Variants in PRKN observed in about 807,000 individuals in gnomAD.
PRKN encodes E3 ubiquitin-protein ligase parkin.
PRKN carries 56 observed loss-of-function variants against 59.5 expected under a neutral mutation model. That is an observed-to-expected ratio of 0.94 (90% CI 0.76 to 1.18). The LOEUF is 1.18. Among genes scored for constraint, PRKN ranks in the 50% most tolerant of loss-of-function variants. PRKN has a pLI of 0.00. For missense variants in PRKN, 657 were observed against 596.4 expected, an observed-to-expected ratio of 1.10 and a Z score of -1.06; for synonymous variants, 250 against 222.1, an observed-to-expected ratio of 1.13 and a Z score of -1.12.
chr6:162,032,013 C>T (rs1025494629), intron 5 of PRKN, among the ~76,000 whole-genome samples: 2 of 152,186 alleles, frequency 1.3e-5, no homozygotes, highest in African/African-American at 4.8e-5. Flanking sequence ...TTTACACCCT[C>T]TGGTTGCCTT....
intron 9 of PRKN, among the ~76,000 whole-genome samples, chr6:161,426,061 AG>A (rs1289780638): frequency 6.6e-6 from 1 of 152,184 alleles, no homozygotes; most frequent in Non-Finnish European, 1.5e-5. Flanking sequence ...CAAGTGGTTA[AG>A]GGGGTGCCTG....
chr6:162,213,536 G>T (rs1030378595), intron 3 of PRKN, among the ~76,000 whole-genome samples: 10 of 151,942 alleles, frequency 6.6e-5, no homozygotes, highest in Non-Finnish European at 1.2e-4. Flanking sequence ...GATCAGCCTG[G>T]GCAGCACAGT....
intron 1 of PRKN, among the ~76,000 whole-genome samples, chr6:162,545,600 C>T (rs1044751030): frequency 3.9e-5 from 6 of 152,122 alleles, no homozygotes; most frequent in Admixed American, 6.5e-5. Flanking sequence ...ATGAGGAAAA[C>T]ATTTCAAGTT....
At chr6:161,907,551 C>T (rs1469173372) in intron 6 of PRKN, among the ~76,000 whole-genome samples, 1 of 152,140 alleles carries the variant, frequency 6.6e-6, no homozygotes, top group African/African-American at 2.4e-5. Flanking sequence ...AAGTTTTCAT[C>T]TTTCCCCTAC....
chr6:161,679,063 T>C (rs966430485), intron 7 of PRKN, among the ~76,000 whole-genome samples: 2 of 152,120 alleles, frequency 1.3e-5, no homozygotes, highest in African/African-American at 4.8e-5. Flanking sequence ...AAATAGATTA[T>C]GCCAACCAGC....
intron 2 of PRKN, among the ~76,000 whole-genome samples, chr6:162,356,150 G>A (rs1784847486): frequency 1.3e-5 from 2 of 152,126 alleles, no homozygotes; most frequent in Non-Finnish European, 1.5e-5. Flanking sequence ...GTAGATTTCT[G>A]TAATTAAATA....
At chr6:161,676,565 A>T (rs1785093996) in intron 7 of PRKN, among the ~76,000 whole-genome samples, 1 of 152,226 alleles carries the variant, frequency 6.6e-6, no homozygotes, top group Non-Finnish European at 1.5e-5. Context: ...AGCCTCACTC[A>T]TTCGTTCATG....
At chr6:161,631,564 G>A (rs1376452947) in intron 7 of PRKN, among the ~76,000 whole-genome samples, 2 of 152,158 alleles carry the variant, frequency 1.3e-5, no homozygotes, top group African/African-American at 4.8e-5. Flanking sequence ...ATGGCATAAG[G>A]CATCTTATTT....
At chr6:161,431,083 G>A (rs886124753) in intron 9 of PRKN, among the ~76,000 whole-genome samples, 6 of 150,494 alleles carry the variant, frequency 4.0e-5, no homozygotes, top group African/African-American at 1.5e-4. Context: ...AGGTTGAAAC[G>A]AGTCGAGATC....
At chr6:162,394,673 C>T (rs1173299989) in intron 2 of PRKN, among the ~76,000 whole-genome samples, 1 of 152,160 alleles carries the variant, frequency 6.6e-6, no homozygotes, top group Non-Finnish European at 1.5e-5. Flanking sequence ...AGGCTTATCT[C>T]ATGAAGTCCC....
chr6:162,714,522 T>C (rs1433969982), intron 1 of PRKN, among the ~76,000 whole-genome samples: 2 of 152,204 alleles, frequency 1.3e-5, no homozygotes, highest in East Asian at 3.8e-4. Context: ...GCATTATAAA[T>C]ACCCCCTGAC....
chr6:162,098,385 A>G (rs955710033), intron 4 of PRKN, among the ~76,000 whole-genome samples: 3 of 152,196 alleles, frequency 2.0e-5, no homozygotes, highest in Non-Finnish European at 4.4e-5. Context: ...TTAAAAATTA[A>G]TATAAATGAA....
intron 7 of PRKN, among the ~76,000 whole-genome samples, chr6:161,762,692 T>C (rs1411570404): frequency 3.3e-5 from 5 of 152,210 alleles, no homozygotes; most frequent in African/African-American, 9.6e-5. Context: ...CAGTGTACTA[T>C]AGAGCTATGA....
At chr6:162,368,070 A>T (rs1454303644) in intron 2 of PRKN, among the ~76,000 whole-genome samples, 2 of 152,154 alleles carry the variant, frequency 1.3e-5, no homozygotes, top group South Asian at 2.1e-4. Flanking sequence ...CTGCCTTTGG[A>T]TCCACTGAGC....
At position 161,530,980 on chromosome 6, in the gene PRKN, G is replaced by A. The variant is rs1438665640; in HGVS notation, c.1083+17874C>T. Among the ~76,000 whole-genome samples the A allele has an allele frequency of 6.6e-6, 1 of 151,904 alleles. No homozygotes were observed. Among genetic ancestry groups the A allele is most frequent in the South Asian group, 2.1e-4 (1 of 4,822 alleles). ...AGTTTCATATTTTCAACTACCTACG[G>A]GATATTTTATTGCTTCAAACAGAAC... On this transcript the variant is annotated intron_variant, in intron 9 of 11. Transcript: ENST00000366898. The surrounding 1 kb of genome is among the most constrained non-coding windows in gnomAD (Gnocchi z 5.0).
intron 2 of PRKN, among the ~76,000 whole-genome samples, chr6:162,302,963 TAC>T (rs71004084): frequency 0.038 from 5,314 of 139,526 alleles, 153 homozygotes; most frequent in African/African-American, 0.092. Context: ...GCCTTAAACA[TAC>T]ACACACACAC....
intron 9 of PRKN, among the ~76,000 whole-genome samples, chr6:161,439,198 G>C (rs1004502767): frequency 3.3e-5 from 5 of 152,168 alleles, no homozygotes; most frequent in Admixed American, 3.3e-4. Flanking sequence ...TGACGCCAAC[G>C]GGCTTCTCAG....
At chr6:162,622,928 T>G (rs563824354) in intron 1 of PRKN, among the ~76,000 whole-genome samples, 17 of 152,296 alleles carry the variant, frequency 1.1e-4, no homozygotes, top group African/African-American at 4.1e-4. Context: ...CTGAACACCT[T>G]TCCCACTTTT....
intron 6 of PRKN, among the ~76,000 whole-genome samples, chr6:161,960,035 G>C (rs1780324724): frequency 6.6e-6 from 1 of 152,084 alleles, no homozygotes; most frequent in Non-Finnish European, 1.5e-5. Flanking sequence ...GGGGGATTGG[G>C]GTATATGATC....
Sources: gnomAD v4.1 joint callset for allele counts (sites outside exome capture counted in the v4.1 genomes callset) on GRCh38, gnomAD v4.1.1 for gene constraint, Gnocchi (gnomAD v3.1) non-coding constraint, MANE v1.5 for transcripts, NCBI Gene and HGNC (gene_info 2026-07-23, HGNC 2026-07-21) for gene names.